The following GOLGA1 variants were observed in gnomAD, a reference collection of about 807,000 sequenced individuals.
The protein encoded by GOLGA1 is golgin subfamily A member 1.
A neutral mutation model predicts 119.7 loss-of-function variants in GOLGA1; 63 were observed. The ratio of observed to expected loss-of-function variants is 0.53; its 90% CI spans 0.43 to 0.65. The LOEUF is 0.65. Among genes scored for constraint, GOLGA1 ranks in the 30% least tolerant of loss-of-function variants. GOLGA1 has a pLI of 0.00. For synonymous variants in GOLGA1, 318 were observed against 333.4 expected, an observed-to-expected ratio of 0.95 and a Z score of 0.50; for missense variants, 798 against 912.8, an observed-to-expected ratio of 0.87 and a Z score of 1.62.
chr9:124,888,239 A>C lies in GOLGA1; in HGVS notation c.1905+14T>G. On this transcript the variant is annotated intron_variant, in intron 19 of 22. Coordinates refer to ENST00000373555, the MANE Select transcript of GOLGA1 (RefSeq NM_002077.4). The surrounding 1 kb of genome is among the most constrained non-coding windows in gnomAD (Gnocchi z 4.4). Reference sequence around the variant, plus strand: ...TGGTGGAGACAGAAACAGCCATGCAAAAGGCATCCTCACCTTATTTTTCTC... The same window carrying C: ...TGGTGGAGACAGAAACAGCCATGCACAAGGCATCCTCACCTTATTTTTCTC... The C allele has an allele frequency of 6.2e-7, 1 of 1,613,134 alleles. No homozygotes were observed. The highest frequency in any genetic ancestry group is 8.5e-7 in the Non-Finnish European group (1 of 1,179,110).
rs575200211 is a variant in GOLGA1 at position 124,922,121 on chromosome 9, G to A, written c.562-229C>T. ...CGGGTGCCTGTAATCCCAGCTACTC[G>A]GGAGGCTGAGGCGGGAGAATCACTT... On this transcript the variant is annotated intron_variant, in intron 8 of 22. Transcript: ENST00000373555. Among the ~76,000 whole-genome samples, 14 of 152,028 alleles carry A rather than the reference G, an allele frequency of 9.2e-5. No homozygotes were observed. The East Asian group carries it at 1.9e-3, about 21-fold the overall frequency.
At chr9:124,911,208 A>G (rs1467706537) in intron 11 of GOLGA1, among the ~76,000 whole-genome samples, 1 of 152,322 alleles carries the variant, frequency 6.6e-6, no homozygotes, top group Non-Finnish European at 1.5e-5. Flanking sequence ...GGGTAGGCCA[A>G]TCTGGAGACT....
At chr9:124,898,458 T>G (rs1211893086) in intron 15 of GOLGA1, 91 bp downstream of exon 15, 2 of 764,994 alleles carry the variant, frequency 2.6e-6, no homozygotes, top group East Asian at 5.0e-5. Flanking sequence ...CTCCTCCTCC[T>G]GTACTGTAAG....
intron 10 of GOLGA1, among the ~76,000 whole-genome samples, chr9:124,917,943 C>T (rs1438325717): frequency 6.6e-6 from 1 of 152,120 alleles, no homozygotes; most frequent in Non-Finnish European, 1.5e-5. Flanking sequence ...ACCTCCACCT[C>T]CTGGGTTCAA....
intron 1 of GOLGA1, among the ~76,000 whole-genome samples, chr9:124,940,467 G>C (rs1830985108): frequency 6.6e-6 from 1 of 152,200 alleles, no homozygotes; most frequent in Non-Finnish European, 1.5e-5. Context: ...TTTTCCTGGA[G>C]CCAGTATTTA....
chr9:124,921,297 T>G (rs530365501), intron 9 of GOLGA1, 57 bp from the exon 10 acceptor site: 16 of 954,920 alleles, frequency 1.7e-5, no homozygotes, highest in South Asian at 1.5e-4. Flanking sequence ...TAATATACAG[T>G]CTTCTGCAGG....
intron 10 of GOLGA1, 94 bp downstream of exon 10, chr9:124,921,035 G>C: frequency 1.3e-6 from 1 of 779,374 alleles, no homozygotes. Flanking sequence ...CATGAGAAAT[G>C]TATGTTCAGT....
At chr9:124,938,388 AAT>A (rs5900634) in intron 3 of GOLGA1, among the ~76,000 whole-genome samples, 187 bp downstream of exon 3, 100,034 of 151,684 alleles carry the variant, frequency 0.66, 33,623 homozygotes, top group African/African-American at 0.76. Flanking sequence ...TAAGGAAAAA[AAT>A]ATAGAGTACC....
Position 124,888,119 on chromosome 9 carries a change from T to C in GOLGA1, c.1905+134A>G. On this transcript the variant is annotated intron_variant, in intron 19 of 22. Coordinates refer to ENST00000373555, the MANE Select transcript of GOLGA1 (RefSeq NM_002077.4). This position sits in a 1 kb window ranked among gnomAD's most constrained non-coding sequence, Gnocchi z 4.4. ...AACGGAAGATCAGGAGGAAGGCCTTTGGGTGAGAGGGGTCATGGTTGCCAG... is the reference window on the plus strand; with the variant it reads ...AACGGAAGATCAGGAGGAAGGCCTTCGGGTGAGAGGGGTCATGGTTGCCAG... The C allele has an allele frequency of 1.3e-6, 1 of 775,916 alleles. No individual in the cohort carries two copies. The highest frequency in any genetic ancestry group is 1.6e-5 in the South Asian group (1 of 63,814). The allele number at this position is 775,916 out of a possible 1,614,324, so 48.1% of individuals were successfully genotyped here. A position where few individuals can be genotyped will look rare whatever the true frequency, so the allele number is the denominator to read the frequency against.
upstream of GOLGA1, among the ~76,000 whole-genome samples, chr9:124,941,764 G>C (rs1831033004): frequency 6.6e-6 from 1 of 152,148 alleles, no homozygotes; most frequent in Non-Finnish European, 1.5e-5. Flanking sequence ...CTGCTGGGCC[G>C]TCTCCTTTCT....
chr9:124,890,632 T>C (rs1829833283), intron 15 of GOLGA1, among the ~76,000 whole-genome samples, 154 bp from the exon 16 acceptor site: 1 of 152,140 alleles, frequency 6.6e-6, no homozygotes, highest in African/African-American at 2.4e-5. Context: ...CTCCCTGCCA[T>C]GCCCTCAGTA....
rs1225262863 is a variant in GOLGA1, at chr9:124,879,486, T to C, written c.*1044A>G. 1 of 151,914 alleles carries C rather than the reference T, an allele frequency of 6.6e-6. No homozygotes were observed. The highest frequency in any genetic ancestry group is 1.5e-5 in the Non-Finnish European group (1 of 67,992). 9.4% of individuals were successfully genotyped at this position (151,914 alleles called of 1,614,324 possible). A position where few individuals can be genotyped will look rare whatever the true frequency, so the allele number is the denominator to read the frequency against. ...CCACAGACAAGGCAGACTGCCCCAG[T>C]GTCTCCATCGAGGCTGGGGGACAGC... On this transcript the variant is annotated 3_prime_UTR_variant, in exon 23 of 23. Transcript: ENST00000373555.
chr9:124,929,343 G>A, intron 4 of GOLGA1, 53 bp from the exon 5 acceptor site: 1 of 1,098,536 alleles, frequency 9.1e-7, no homozygotes, highest in East Asian at 2.4e-5. Flanking sequence ...ATCAGGAAAG[G>A]AAGTTAATTA....
intron 3 of GOLGA1, among the ~76,000 whole-genome samples, chr9:124,938,070 G>A (rs1410301640): frequency 3.6e-5 from 5 of 139,002 alleles, no homozygotes; most frequent in East Asian, 4.1e-4. Flanking sequence ...GCTACAGAGC[G>A]AGAATCCATC....
At chr9:124,901,373 C>T (rs1456624080) in intron 12 of GOLGA1, among the ~76,000 whole-genome samples, 3 of 149,954 alleles carry the variant, frequency 2.0e-5, no homozygotes, top group South Asian at 2.1e-4. Context: ...TGGGTTCAAG[C>T]GATTCTCCTG....
rs755352991 is a variant in GOLGA1, at chr9:124,923,150, T to C, written c.506A>G (p.Glu169Gly). ...CTGGAACCCCTCTAATTCATCCATT[T>C]CATCTCTCCTTTGGAAAAGATTCAT... ...QSMNLFQRRD[E>G]MDELEGFQQQ... Residue 169 changes from glutamate (E) to glycine (G), a missense_variant, in exon 8 of 23, where the codon GAA (glutamate) becomes GGA (glycine). Coordinates refer to ENST00000373555, the MANE Select transcript of GOLGA1 (RefSeq NM_002077.4). The C allele has an allele frequency of 1.2e-6, 2 of 1,604,880 alleles. No homozygotes were observed. The highest frequency in any genetic ancestry group is 8.5e-7 in the Non-Finnish European group (1 of 1,172,498).
Position 124,898,586 on chromosome 9 carries a change from G to A in GOLGA1, c.1370C>T (p.Ser457Phe). Reference sequence around the variant, plus strand: ...TAGTTCAAATTGGTGATTTTGTAAAGAACGTTCATATTCATTCCTGCATTC... The same window carrying A: ...TAGTTCAAATTGGTGATTTTGTAAAAAACGTTCATATTCATTCCTGCATTC... Reference protein sequence around the residue: ...LKECRNEYERSLQNHQFELKK... With the variant: ...LKECRNEYERFLQNHQFELKK... Residue 457 changes from serine (S) to phenylalanine (F), a missense_variant, in exon 15 of 23, where the codon TCT becomes TTT. Transcript: ENST00000373555. 6.2e-7 allele frequency: 1 copy of A among 1,608,940 alleles called. No homozygotes were observed. The highest frequency in any genetic ancestry group is 8.5e-7 in the Non-Finnish European group (1 of 1,175,712).
upstream of GOLGA1, among the ~76,000 whole-genome samples, chr9:124,941,462 C>G (rs1333883063): frequency 6.6e-6 from 1 of 152,160 alleles, no homozygotes; most frequent in Non-Finnish European, 1.5e-5. Flanking sequence ...CTTGGCCAGG[C>G]GCCCCCCCGC....
At position 124,888,683 on chromosome 9, in the gene GOLGA1, C is replaced by T. The variant is rs542892294; in HGVS notation, c.1762-287G>A. 1.3e-5 allele frequency among the ~76,000 whole-genome samples: 2 copies of T among 151,900 alleles called. No individual in the cohort carries two copies. Among genetic ancestry groups the T allele is most frequent in the Admixed American group, 1.3e-4 (2 of 15,260 alleles). ...TCATGGCCTCCTAGCCATATGAGTG[C>T]CCTACTTTATTTATTTATCTATTTA... On this transcript the variant is annotated intron_variant, in intron 18 of 22. Coordinates refer to ENST00000373555, the MANE Select transcript of GOLGA1 (RefSeq NM_002077.4). This position sits in a 1 kb window ranked among gnomAD's most constrained non-coding sequence, Gnocchi z 4.4.
Sources: allele counts gnomAD v4.1 joint callset (sites outside exome capture counted in the v4.1 genomes callset), GRCh38; gene constraint gnomAD v4.1.1; non-coding constraint Gnocchi (gnomAD v3.1); transcripts MANE v1.5; gene names NCBI Gene and HGNC (gene_info 2026-07-23, HGNC 2026-07-21).